SLC12A4: variants seen among roughly 807,000 people sequenced by gnomAD.
SLC12A4 encodes the protein electroneutral potassium-chloride cotransporter 1.
SLC12A4 carries 84 observed loss-of-function variants against 119.2 expected under a neutral mutation model. The observed-to-expected ratio is 0.70, with a 90% CI of 0.59 to 0.85. The LOEUF (loss-of-function observed/expected upper bound fraction) is 0.85, where lower values mean the gene tolerates loss of function less well. Among genes scored for constraint, SLC12A4 ranks in the 40% least tolerant of loss-of-function variants. The pLI, the probability that SLC12A4 is intolerant of heterozygous loss-of-function variation, is 0.00. For synonymous variants in SLC12A4, 599 were observed against 604.6 expected (o/e 0.99, Z 0.14); for missense variants, 1,298 against 1,476.3 (o/e 0.88, Z 1.98).
At chr16:67,966,767 TC>T in intron 1 of SLC12A4, 2 of 1,551,260 alleles carry the variant, frequency 1.3e-6, no homozygotes, top group Admixed American at 2.0e-5. Flanking sequence ...GCTCAGGGTG[TC>T]CCCCATCCTG....
At chr16:67,945,639 G>A (rs568021904) in intron 21 of SLC12A4, 86 bp from the exon 22 acceptor site, 14 of 1,519,002 alleles carry the variant, frequency 9.2e-6, no homozygotes, top group Middle Eastern at 1.8e-4. Flanking sequence ...CCTTGCCTCC[G>A]GGAAATGAGC....
chr16:67,968,334 G>A (rs1013104998), intron 1 of SLC12A4, 105 bp downstream of exon 1: 13 of 1,004,594 alleles, frequency 1.3e-5, no homozygotes, highest in Non-Finnish European at 1.8e-5. Flanking sequence ...CCGCACCGAC[G>A]TGTGCGCGCA....
At position 67,945,382 on chromosome 16, in the gene SLC12A4, C is replaced by T. The variant is rs953682270; in HGVS notation, c.3019G>A (p.Val1007Met). The change falls in exon 22 of 24, where the codon GTG becomes ATG. Residue 1007 changes from valine (V) to methionine (M), a missense_variant. Physicochemically the swap from Val to Met is conservative, Grantham distance 21 (BLOSUM62 1). Transcript: ENST00000316341. Reference protein sequence around the residue: ...SHAPDNFRELVHIKPDQSNVR... With the variant: ...SHAPDNFRELMHIKPDQSNVR... ...TGCTGCACTCACGGCTTAATGTGCA[C>T]CAGCTCCCGGAAATTGTCAGGGGCA... is the stretch of plus-strand genomic sequence containing the variant. 6 of 1,613,486 alleles carry T rather than the reference C, an allele frequency of 3.7e-6. No homozygotes were observed. Among genetic ancestry groups the T allele is most frequent in the Non-Finnish European group, 5.1e-6 (6 of 1,179,728 alleles).
rs1207749400 is a variant in SLC12A4 at position 67,951,973 on chromosome 16, C to T, written c.982G>A (p.Val328Ile). ...DQFDICAKTAVVDNETVATQL... is the reference protein window; with the variant it reads ...DQFDICAKTAIVDNETVATQL... ...GTGGCCACTGTCTCATTGTCCACTA[C>T]AGCTGTCTTGGCACAGATGTCAAAC... Residue 328 changes from valine (V) to isoleucine (I), a missense_variant, in exon 8 of 24, where the codon GTA (valine) becomes ATA (isoleucine). Coordinates refer to ENST00000316341, the MANE Select transcript of SLC12A4 (RefSeq NM_005072.5). The surrounding 1 kb of genome is among the most constrained non-coding windows in gnomAD (Gnocchi z 5.2). 21 of 1,613,994 alleles carry T rather than the reference C, an allele frequency of 1.3e-5. No individual in the cohort carries two copies. The highest frequency in any genetic ancestry group is 8.3e-5 in the Admixed American group (5 of 60,000).
Position 67,951,087 on chromosome 16 carries a change from G to C in SLC12A4, c.1298-27C>G, listed in dbSNP as rs1228139965. 13 of 1,613,946 alleles carry C rather than the reference G, an allele frequency of 8.1e-6. No homozygotes were observed. Among genetic ancestry groups the C allele is most frequent in the Non-Finnish European group, 9.3e-6 (11 of 1,179,916 alleles). On this transcript the variant is annotated intron_variant, in intron 9 of 23. Coordinates refer to ENST00000316341, the MANE Select transcript of SLC12A4 (RefSeq NM_005072.5). This position sits in a 1 kb window ranked among gnomAD's most constrained non-coding sequence, Gnocchi z 5.2. ...TCCAAAAACAGATGAGACTCCCTCA[G>C]GGGCTCCCCGGGATTGGGGACAGGG...
chr16:67,959,672 G>A (rs1474590023), intron 3 of SLC12A4, among the ~76,000 whole-genome samples: 3 of 152,190 alleles, frequency 2.0e-5, no homozygotes, highest in Non-Finnish European at 4.4e-5. Context: ...GACAGCAAGA[G>A]CTCCCAGTCC....
chr16:67,945,477 A>T lies in SLC12A4; in HGVS notation c.2924T>A (p.Val975Glu). 1 of 1,613,924 alleles carries T rather than the reference A, an allele frequency of 6.2e-7. No homozygotes were observed. Among genetic ancestry groups the T allele is most frequent in the Non-Finnish European group, 8.5e-7 (1 of 1,179,972 alleles). ...LYSDEEDESA[V>E]GADKIQMTWT... ...CGTCATCTGGATCTTGTCAGCCCCCACTGCAGACTCATCTTCCTCGTCCGA... is the reference window on the plus strand; with the variant it reads ...CGTCATCTGGATCTTGTCAGCCCCCTCTGCAGACTCATCTTCCTCGTCCGA... The change falls in exon 22 of 24, where the codon GTG (valine) becomes GAG (glutamate). Residue 975 changes from valine (V) to glutamate (E), a missense_variant. By Grantham distance (121) the Val-to-Glu change is moderately radical. Coordinates refer to ENST00000316341, the MANE Select transcript of SLC12A4 (RefSeq NM_005072.5).
intron 6 of SLC12A4, among the ~76,000 whole-genome samples, chr16:67,953,705 G>A (rs956670482): frequency 6.6e-6 from 1 of 152,116 alleles, no homozygotes; most frequent in Non-Finnish European, 1.5e-5. Context: ...TAATAAAGCT[G>A]TTACTTAAAA....
upstream of SLC12A4, chr16:67,968,651 G>T (rs2030977256): frequency 7.8e-7 from 1 of 1,284,520 alleles, no homozygotes; most frequent in East Asian, 3.3e-5. Context: ...CCGCCCGCTC[G>T]CATTCCTCCC....
Position 67,949,320 on chromosome 16 carries a change from G to A in SLC12A4, c.1748+480C>T, listed in dbSNP as rs560663389. Among the ~76,000 whole-genome samples the A allele has an allele frequency of 5.9e-5, 9 of 152,224 alleles. No homozygotes were observed. Among genetic ancestry groups the A allele is most frequent in the Middle Eastern group, 6.8e-3 (2 of 294 alleles). ...CAAAAAATTAGCTGGGCGTGGTGGT[G>A]CATTTCTGTAATCCCAGCTACTCAG... On this transcript the variant is annotated intron_variant, in intron 13 of 23. Transcript: ENST00000316341. This position sits in a 1 kb window ranked among gnomAD's most constrained non-coding sequence, Gnocchi z 4.6.
In SLC12A4 at chr16:67,967,316, C is replaced by T. The variant is rs184063110; in HGVS notation, c.115+1123G>A. 2.0e-5 allele frequency among the ~76,000 whole-genome samples: 3 copies of T among 152,346 alleles called. No individual in the cohort carries two copies. In the East Asian group the frequency reaches 5.8e-4, roughly 29 times the overall value. ...CGTCACCTGACACGTGTCAACCACA[C>T]ACTTCCTACATATCTCCATCATGAT... On this transcript the variant is annotated intron_variant, in intron 1 of 23. Transcript: ENST00000316341.
intron 1 of SLC12A4, among the ~76,000 whole-genome samples, chr16:67,965,713 T>C (rs1294525774): frequency 6.6e-6 from 1 of 152,230 alleles, no homozygotes; most frequent in Non-Finnish European, 1.5e-5. Flanking sequence ...TGCCTGTAAA[T>C]GGTCCTCTAA....
intron 5 of SLC12A4, among the ~76,000 whole-genome samples, chr16:67,956,796 C>T (rs1214485727): frequency 2.0e-5 from 3 of 151,368 alleles, no homozygotes; most frequent in African/African-American, 7.3e-5. Context: ...TATATACACA[C>T]ATATACTTTT....
intron 1 of SLC12A4, among the ~76,000 whole-genome samples, chr16:67,967,354 T>C (rs1365569516): frequency 2.0e-5 from 3 of 152,190 alleles, no homozygotes; most frequent in African/African-American, 7.2e-5. Context: ...GTCACAGATA[T>C]CACAGGCATT....
chr16:67,946,708 G>A, intron 17 of SLC12A4, 75 bp from the exon 18 acceptor site: 1 of 1,509,878 alleles, frequency 6.6e-7, no homozygotes, highest in Non-Finnish European at 8.9e-7. Context: ...AGGCCCCTCG[G>A]GAACAAAACG....
chr16:67,947,530 AC>A, intron 15 of SLC12A4, 95 bp from the exon 16 acceptor site: 2 of 1,490,902 alleles, frequency 1.3e-6, no homozygotes, highest in Non-Finnish European at 1.8e-6. Flanking sequence ...CCTCAAGACC[AC>A]CCAGGGGTCC....
rs764588469 is a variant in SLC12A4, at chr16:67,944,837, G to A, written c.*3C>T. On this transcript the variant is annotated 3_prime_UTR_variant, in exon 24 of 24. Transcript: ENST00000316341. The surrounding 1 kb of genome is among the most constrained non-coding windows in gnomAD (Gnocchi z 6.6). Reference sequence around the variant, plus strand: ...GACTCCAGGCCACAAGATGACACTGGGCTCAGGAGTAGATGGTGATGACTT... The same window carrying A: ...GACTCCAGGCCACAAGATGACACTGAGCTCAGGAGTAGATGGTGATGACTT... The A allele has an allele frequency of 6.2e-7, 1 of 1,612,870 alleles. No homozygotes were observed. Among genetic ancestry groups the A allele is most frequent in the Non-Finnish European group, 8.5e-7 (1 of 1,179,960 alleles).
Position 67,950,181 on chromosome 16 carries a change from G to A in SLC12A4, c.1629+138C>T. 1 of 1,049,458 alleles carries A rather than the reference G, an allele frequency of 9.5e-7. No homozygotes were observed. Among genetic ancestry groups the A allele is most frequent in the East Asian group, 2.5e-5 (1 of 39,498 alleles). The allele number at this position is 1,049,458 out of a possible 1,614,324, so 65.0% of individuals were successfully genotyped here. The stretch of plus-strand genomic sequence containing the variant: ...AGTGCCAGGCCCAGGGCACTTCTCA[G>A]TAGCTCCTCATGGATGGCCGCCTGG... On this transcript the variant is annotated intron_variant, in intron 12 of 23. Coordinates refer to ENST00000316341, the MANE Select transcript of SLC12A4 (RefSeq NM_005072.5). The surrounding 1 kb of genome is among the most constrained non-coding windows in gnomAD (Gnocchi z 4.3).
At position 67,944,238 on chromosome 16, in the gene SLC12A4, G is replaced by T; in HGVS notation, c.*602C>A. 6.9e-7 allele frequency: 1 copy of T among 1,444,464 alleles called. No homozygotes were observed. The highest frequency in any genetic ancestry group is 9.1e-7 in the Non-Finnish European group (1 of 1,096,456). The allele number at this position is 1,444,464 out of a possible 1,614,324, so 89.5% of individuals were successfully genotyped here. ...TGTGGCCAGAGATTGCCGGAAAGGG[G>T]CACAGCCTCAGGGAGCCGGCTCTGG... On this transcript the variant is annotated 3_prime_UTR_variant, in exon 24 of 24. Transcript: ENST00000316341. The surrounding 1 kb of genome is among the most constrained non-coding windows in gnomAD (Gnocchi z 6.6).
Sources: allele counts gnomAD v4.1 joint callset (sites outside exome capture counted in the v4.1 genomes callset), GRCh38; gene constraint gnomAD v4.1.1; non-coding constraint Gnocchi (gnomAD v3.1); transcripts MANE v1.5; gene names NCBI Gene and HGNC (gene_info 2026-07-23, HGNC 2026-07-21).